Variants in DSCAM observed in about 807,000 individuals in gnomAD.
DSCAM encodes the protein cell adhesion molecule DSCAM.
Under a neutral mutation model 217.7 loss-of-function variants are expected in DSCAM, and 47 were observed. The observed-to-expected ratio is 0.22, with a 90% CI of 0.17 to 0.28. The LOEUF is 0.28. DSCAM is among the 10% of genes least tolerant of loss of function. The pLI is 1.00. For missense variants in DSCAM, 2,080 were observed against 2,618.3 expected (o/e 0.79, Z 4.49); for synonymous variants, 1,056 against 1,015.3 (o/e 1.04, Z -0.76).
At chr21:40,442,731 C>T (rs138602894) in intron 3 of DSCAM, among the ~76,000 whole-genome samples, 7 of 152,092 alleles carry the variant, frequency 4.6e-5, no homozygotes, top group South Asian at 2.1e-4. Context: ...GGGCTGGTCC[C>T]GAACTCCTGA....
intron 4 of DSCAM, among the ~76,000 whole-genome samples, chr21:40,359,691 A>G (rs1177066581): frequency 2.0e-5 from 3 of 152,234 alleles, no homozygotes; most frequent in African/African-American, 7.2e-5. Context: ...TGCATGAAAG[A>G]AGGCAGACAC....
intron 3 of DSCAM, among the ~76,000 whole-genome samples, chr21:40,473,951 G>A (rs2075911435): frequency 6.6e-6 from 1 of 152,204 alleles, no homozygotes; most frequent in African/African-American, 2.4e-5. Context: ...CCTGCTCAGT[G>A]GCATGTTTTT....
At chr21:40,257,541 G>A (rs76527206) in intron 11 of DSCAM, among the ~76,000 whole-genome samples, 2,318 of 149,992 alleles carry the variant, frequency 0.015, 74 homozygotes, top group African/African-American at 0.054. Flanking sequence ...ACATGGCTAT[G>A]CTATTCTCTC....
chr21:40,587,408 G>GT (rs2076954506), intron 3 of DSCAM, among the ~76,000 whole-genome samples: 2 of 152,232 alleles, frequency 1.3e-5, no homozygotes, highest in African/African-American at 4.8e-5. Context: ...GTTGGAAAAT[G>GT]TTTATTAAGT....
At chr21:40,018,937 G>T (rs1285441306) in intron 32 of DSCAM, among the ~76,000 whole-genome samples, 26 of 152,162 alleles carry the variant, frequency 1.7e-4, no homozygotes, top group Admixed American at 1.7e-3. Flanking sequence ...TCTCTAATTA[G>T]CTCCCTTCAA....
In DSCAM at chr21:40,055,840, A is replaced by G. The variant is rs73221349; in HGVS notation, c.4920T>C (p.Ser1640=). ...DAKSLAEMLM[S]KNTRTSDTLS... ...ACGTATCTGAAGTCCGGGTATTCTT[A>G]CTGGGAATAAAATGGGGTAATGCAT... Residue 1640 remains serine, a splice_region_variant and synonymous_variant, in exon 29 of 33, where the codon AGT becomes AGC. Transcript: ENST00000400454. 240 of 1,611,792 alleles carry G rather than the reference A, an allele frequency of 1.5e-4. No homozygotes were observed. The highest frequency in any genetic ancestry group is 2.0e-4 in the Non-Finnish European group (233 of 1,177,946).
intron 3 of DSCAM, among the ~76,000 whole-genome samples, chr21:40,684,737 G>T (rs1024959167): frequency 1.3e-5 from 2 of 152,126 alleles, no homozygotes; most frequent in South Asian, 4.1e-4. Context: ...TTAGCTTGTC[G>T]ATAATAATAA....
At chr21:40,204,176 T>C (rs893531416) in intron 11 of DSCAM, among the ~76,000 whole-genome samples, 6 of 152,234 alleles carry the variant, frequency 3.9e-5, no homozygotes, top group African/African-American at 1.4e-4. Context: ...TACAGATTAA[T>C]TGTAGGGCCC....
intron 14 of DSCAM, among the ~76,000 whole-genome samples, chr21:40,182,584 CA>C (rs1481388686): frequency 7.3e-5 from 10 of 136,232 alleles, no homozygotes; most frequent in African/African-American, 2.9e-4. Context: ...AAACTGTGGA[CA>C]GGAGGGGCCA....
intron 3 of DSCAM, among the ~76,000 whole-genome samples, chr21:40,457,477 A>C (rs1326172714): frequency 1.3e-5 from 2 of 151,920 alleles, no homozygotes; most frequent in Non-Finnish European, 2.9e-5. Flanking sequence ...GCACCACGGC[A>C]CCCCAGCCTG....
rs184076171 is a variant in DSCAM at position 40,524,964 on chromosome 21, C to T, written c.509-155719G>A. ...GGTGGAGGTTGCAGTGAGCCAAGGT[C>T]ATGCCACTGCATTCCAGCCTGGGCA... On this transcript the variant is annotated intron_variant, in intron 3 of 32. Transcript: ENST00000400454. Among the ~76,000 whole-genome samples, 876 of 139,048 alleles carry T rather than the reference C, an allele frequency of 6.3e-3. 9 individuals carry two copies. Among genetic ancestry groups the T allele is most frequent in the African/African-American group, 0.022 (801 of 36,040 alleles). 91.2% of individuals were successfully genotyped at this position (139,048 alleles called of 152,430 possible).
At chr21:40,601,448 A>G (rs1006823544) in intron 3 of DSCAM, among the ~76,000 whole-genome samples, 1 of 152,204 alleles carries the variant, frequency 6.6e-6, no homozygotes, top group Non-Finnish European at 1.5e-5. Context: ...CTACCATGTC[A>G]TCTGTGAACA....
intron 6 of DSCAM, 119 bp from the exon 7 acceptor site, chr21:40,339,534 T>C: frequency 9.2e-7 from 1 of 1,082,354 alleles, no homozygotes; most frequent in South Asian, 1.7e-5. Context: ...ACCAAAAAGG[T>C]CTGGTTTTCC....
At chr21:40,395,003 A>C (rs1181663375) in intron 3 of DSCAM, among the ~76,000 whole-genome samples, 1 of 152,242 alleles carries the variant, frequency 6.6e-6, no homozygotes, top group Non-Finnish European at 1.5e-5. Flanking sequence ...TAATTTTTAC[A>C]TGGTTAATTT....
chr21:40,635,807 T>C (rs1280905599), intron 3 of DSCAM, among the ~76,000 whole-genome samples: 5 of 152,224 alleles, frequency 3.3e-5, no homozygotes, highest in Non-Finnish European at 7.3e-5. Context: ...CCTTTTTAGA[T>C]AAAAATTTTG....
At chr21:40,502,848 A>G (rs2076180547) in intron 3 of DSCAM, among the ~76,000 whole-genome samples, 1 of 152,138 alleles carries the variant, frequency 6.6e-6, no homozygotes, top group African/African-American at 2.4e-5. Context: ...GGGAGTCATA[A>G]TTCTGCCTAA....
chr21:40,359,893 C>G (rs906699921), intron 4 of DSCAM, among the ~76,000 whole-genome samples: 1 of 152,052 alleles, frequency 6.6e-6, no homozygotes, highest in African/African-American at 2.4e-5. Flanking sequence ...CATGCATTTA[C>G]TAAAATTATT....
intron 28 of DSCAM, among the ~76,000 whole-genome samples, chr21:40,062,013 G>A (rs1214432907): frequency 6.6e-6 from 1 of 152,204 alleles, no homozygotes; most frequent in Admixed American, 6.5e-5. Flanking sequence ...ATATCAGGGT[G>A]AGGTAACACA....
At chr21:40,038,866 A>G (rs1274996309) in intron 32 of DSCAM, among the ~76,000 whole-genome samples, 2 of 151,304 alleles carry the variant, frequency 1.3e-5, no homozygotes, top group Non-Finnish European at 2.9e-5. Context: ...TGTCCTTTGT[A>G]GGGACATGGA....
Sources: gnomAD v4.1 joint callset for allele counts (sites outside exome capture counted in the v4.1 genomes callset) on GRCh38, gnomAD v4.1.1 for gene constraint, MANE v1.5 for transcripts, NCBI Gene and HGNC (gene_info 2026-07-23, HGNC 2026-07-21) for gene names.